Variants in EML1 observed in about 807,000 individuals in gnomAD.
The protein encoded by EML1 is echinoderm microtubule-associated protein-like 1.
EML1 carries 27 observed loss-of-function variants against 110.4 expected under a neutral mutation model. That is an observed-to-expected ratio of 0.24 (90% confidence interval 0.18 to 0.34). EML1 has a LOEUF of 0.34. Ranked by LOEUF, EML1 falls within the 10% of genes least tolerant of loss-of-function variation. The pLI, the probability that EML1 is intolerant of heterozygous loss-of-function variation, is 1.00. For synonymous variants in EML1, 344 were observed against 385.8 expected (o/e 0.89, Z 1.27); for missense variants, 741 against 1,030.9 (o/e 0.72, Z 3.85).
At chr14:99,872,850 A>C (rs746222153) in intron 3 of EML1, among the ~76,000 whole-genome samples, 1 of 152,190 alleles carries the variant, frequency 6.6e-6, no homozygotes, top group Non-Finnish European at 1.5e-5. Context: ...TCCAAATTAA[A>C]TGAGTTGGGG....
At chr14:99,805,898 C>T (rs1427683831) in intron 1 of EML1, among the ~76,000 whole-genome samples, 1 of 152,090 alleles carries the variant, frequency 6.6e-6, no homozygotes, top group Admixed American at 6.6e-5. Flanking sequence ...GTTGTGCAGC[C>T]ATCACTGCCA....
chr14:99,739,240 C>T (rs1186076241), intron 1 of EML1, among the ~76,000 whole-genome samples: 1 of 151,956 alleles, frequency 6.6e-6, no homozygotes, highest in Non-Finnish European at 1.5e-5. Context: ...AAATTGCCCG[C>T]CGGGGCTGCG....
At chr14:99,757,531 A>T (rs1011352476) in intron 1 of EML1, among the ~76,000 whole-genome samples, 4 of 152,176 alleles carry the variant, frequency 2.6e-5, no homozygotes, top group African/African-American at 9.7e-5. Flanking sequence ...ATGTGCACAC[A>T]CAGCAAGGCT....
chr14:99,747,755 G>C (rs912725781), intron 1 of EML1, among the ~76,000 whole-genome samples: 2 of 152,158 alleles, frequency 1.3e-5, no homozygotes, highest in African/African-American at 4.8e-5. Flanking sequence ...TCACTGGGAG[G>C]CCTGAGTGGA....
chr14:99,914,165 A>G lies in EML1; in HGVS notation c.1495-14A>G, dbSNP rs755907015. 2 of 1,592,792 alleles carry G rather than the reference A, an allele frequency of 1.3e-6. No individual in the cohort carries two copies. The highest frequency in any genetic ancestry group is 8.6e-7 in the Non-Finnish European group (1 of 1,164,092). On this transcript the variant is annotated splice_polypyrimidine_tract_variant and intron_variant, in intron 13 of 21. Transcript: ENST00000262233. ...ATTGTACATCTTTTCTTTTCATATG[A>G]CTTTTCAATGCAGATTCCAGAACAG...
At chr14:99,910,796 T>G (rs997315923) in intron 12 of EML1, among the ~76,000 whole-genome samples, 3 of 152,110 alleles carry the variant, frequency 2.0e-5, no homozygotes, top group African/African-American at 7.2e-5. Context: ...GAGCAAACAG[T>G]TTGCTAAGGG....
chr14:99,906,090 C>T (rs2059841193), intron 9 of EML1, among the ~76,000 whole-genome samples: 1 of 152,098 alleles, frequency 6.6e-6, no homozygotes, highest in Admixed American at 6.6e-5. Context: ...CAGTATTGTC[C>T]CTTCTGTGGT....
At chr14:99,867,658 G>C (rs1168433849) in intron 3 of EML1, among the ~76,000 whole-genome samples, 2 of 136,776 alleles carry the variant, frequency 1.5e-5, no homozygotes, top group Non-Finnish European at 3.1e-5. Flanking sequence ...TCTGATTTTT[G>C]TGTGTTGGTT....
chr14:99,806,060 A>G (rs965856839), intron 1 of EML1, among the ~76,000 whole-genome samples: 3 of 152,174 alleles, frequency 2.0e-5, no homozygotes, highest in Non-Finnish European at 4.4e-5. Context: ...GGAATCACAC[A>G]ATATTTGTCT....
At chr14:99,903,670 T>G (rs577635445) in intron 9 of EML1, among the ~76,000 whole-genome samples, 1 of 152,330 alleles carries the variant, frequency 6.6e-6, no homozygotes, top group South Asian at 2.1e-4. Context: ...GCCAATTTCC[T>G]ATTTGACAAT....
chr14:99,874,887 C>T (rs994721222), intron 3 of EML1: 7 of 1,544,682 alleles, frequency 4.5e-6, no homozygotes, highest in Non-Finnish European at 6.2e-6. Flanking sequence ...TTATTAATTG[C>T]ACTCACATTT....
At chr14:99,898,591 A>G (rs1294057082) in intron 8 of EML1, among the ~76,000 whole-genome samples, 1 of 152,168 alleles carries the variant, frequency 6.6e-6, no homozygotes, top group African/African-American at 2.4e-5. Context: ...GTCTCTACCA[A>G]AAATACAAAA....
chr14:99,893,998 AAGAGTTTT>A (rs2059631968), intron 5 of EML1, among the ~76,000 whole-genome samples: 1 of 152,128 alleles, frequency 6.6e-6, no homozygotes, highest in Non-Finnish European at 1.5e-5. Context: ...GTTCGTTCTG[AAGAGTTTT>A]GCATCCTGAT....
intron 8 of EML1, among the ~76,000 whole-genome samples, chr14:99,900,518 C>T (rs1430879116): frequency 6.6e-6 from 1 of 152,072 alleles, no homozygotes; most frequent in African/African-American, 2.4e-5. Context: ...TGGTGGTGAC[C>T]ATCTTATGAA....
chr14:99,754,303 G>A (rs1167608402), intron 1 of EML1, among the ~76,000 whole-genome samples: 3 of 152,188 alleles, frequency 2.0e-5, no homozygotes, highest in Admixed American at 1.3e-4. Context: ...TGGCGGGGTC[G>A]GCCAGGGCAA....
rs149428932 is a variant in EML1, at chr14:99,886,128, A to G, written c.519-5071A>G. The G allele has an allele frequency of 1.0e-3, 256 of 251,986 alleles. 2 individuals carry two copies. Among genetic ancestry groups the G allele is most frequent in the African/African-American group, 5.1e-3 (223 of 43,848 alleles). The allele number at this position is 251,986 out of a possible 1,614,324, so 15.6% of individuals were successfully genotyped here. A position where few individuals can be genotyped will look rare whatever the true frequency, so the allele number is the denominator to read the frequency against. On this transcript the variant is annotated intron_variant, in intron 4 of 21. Transcript: ENST00000262233. ...CAATTTTTGTAGAGTCATTATTTCCATGGTGGAGTATTCTGACTTCCAGCA... is the reference window on the plus strand; with the variant it reads ...CAATTTTTGTAGAGTCATTATTTCCGTGGTGGAGTATTCTGACTTCCAGCA...
chr14:99,922,667 T>C (rs570468969), intron 17 of EML1, among the ~76,000 whole-genome samples: 1 of 152,330 alleles, frequency 6.6e-6, no homozygotes, highest in East Asian at 1.9e-4. Context: ...ATTGTCCTTT[T>C]GATTATAGTC....
At chr14:99,904,491 T>C (rs2059812099) in intron 9 of EML1, among the ~76,000 whole-genome samples, 1 of 152,252 alleles carries the variant, frequency 6.6e-6, no homozygotes, top group Non-Finnish European at 1.5e-5. Flanking sequence ...ACTTAATTCA[T>C]GTGAACTGAA....
intron 1 of EML1, among the ~76,000 whole-genome samples, chr14:99,761,753 T>C (rs1419657377): frequency 2.0e-5 from 3 of 151,974 alleles, no homozygotes; most frequent in African/African-American, 7.2e-5. Context: ...GGCGAAACCC[T>C]GTCTCTAATA....
Sources: allele counts gnomAD v4.1 joint callset (sites outside exome capture counted in the v4.1 genomes callset), GRCh38; gene constraint gnomAD v4.1.1; transcripts MANE v1.5; gene names NCBI Gene and HGNC (gene_info 2026-07-23, HGNC 2026-07-21).